Variants in MLLT3 observed in about 807,000 individuals in gnomAD.
MLLT3 encodes protein AF-9.
In MLLT3, 4 loss-of-function variants were observed where a neutral mutation model predicts 53.2. The ratio of observed to expected loss-of-function variants is 0.08; its 90% CI spans 0.04 to 0.17. MLLT3 has a LOEUF of 0.17. MLLT3 is among the 10% of genes least tolerant of loss of function. The pLI, the probability that MLLT3 is intolerant of heterozygous loss-of-function variation, is 1.00. For missense variants in MLLT3, 569 were observed against 684.0 expected (o/e 0.83, Z 1.87); for synonymous variants, 283 against 230.6 (o/e 1.23, Z -2.06).
intron 2 of MLLT3, among the ~76,000 whole-genome samples, chr9:20,600,872 A>G (rs1820403658): frequency 6.6e-6 from 1 of 152,208 alleles, no homozygotes; most frequent in Non-Finnish European, 1.5e-5. Flanking sequence ...ATCAGAATCC[A>G]ATGGGAAAAA....
At chr9:20,375,503 C>T (rs59264833) in intron 5 of MLLT3, among the ~76,000 whole-genome samples, 1 of 151,782 alleles carries the variant, frequency 6.6e-6, no homozygotes, top group Non-Finnish European at 1.5e-5. Context: ...TTCATCCCAG[C>T]GGAGTTAATG....
At chr9:20,484,503 G>A (rs1175969504) in intron 2 of MLLT3, among the ~76,000 whole-genome samples, 1 of 152,010 alleles carries the variant, frequency 6.6e-6, no homozygotes, top group Admixed American at 6.6e-5. Context: ...ATATACTTTT[G>A]GCTTTTACTC....
chr9:20,574,669 G>A (rs573884920), intron 2 of MLLT3, among the ~76,000 whole-genome samples: 5 of 152,274 alleles, frequency 3.3e-5, no homozygotes, highest in Admixed American at 3.3e-4. Flanking sequence ...TGCTAGTGGA[G>A]GGTCCTGCCT....
intron 2 of MLLT3, among the ~76,000 whole-genome samples, chr9:20,458,650 G>A (rs1396036884): frequency 6.6e-6 from 1 of 152,158 alleles, no homozygotes; most frequent in African/African-American, 2.4e-5. Context: ...GAAGATAGCA[G>A]TCTGCAACTC....
chr9:20,607,837 T>C (rs1181622277), intron 2 of MLLT3, among the ~76,000 whole-genome samples: 4 of 152,020 alleles, frequency 2.6e-5, no homozygotes, highest in African/African-American at 7.2e-5. Flanking sequence ...ACAACTAAAA[T>C]TAACCTCCTC....
intron 5 of MLLT3, among the ~76,000 whole-genome samples, chr9:20,406,556 T>C (rs1822581866): frequency 6.6e-6 from 1 of 152,170 alleles, no homozygotes; most frequent in South Asian, 2.1e-4. Context: ...GGTCAGCAAT[T>C]TATTGTTTAA....
intron 2 of MLLT3, among the ~76,000 whole-genome samples, chr9:20,509,022 G>A (rs914397455): frequency 6.6e-6 from 1 of 152,224 alleles, no homozygotes; most frequent in East Asian, 1.9e-4. Context: ...ACATCAGTGG[G>A]AATCAGAAGC....
intron 2 of MLLT3, among the ~76,000 whole-genome samples, chr9:20,586,061 T>C (rs1011341508): frequency 1.3e-5 from 2 of 152,144 alleles, no homozygotes; most frequent in Non-Finnish European, 2.9e-5. Flanking sequence ...CTCACATCTG[T>C]AATCCTAGCA....
chr9:20,600,434 C>T (rs1820393341), intron 2 of MLLT3, among the ~76,000 whole-genome samples: 1 of 152,200 alleles, frequency 6.6e-6, no homozygotes, highest in Non-Finnish European at 1.5e-5. Context: ...ACAACCCCTT[C>T]CTTAACCAAC....
At chr9:20,437,166 T>C (rs534852317) in intron 4 of MLLT3, among the ~76,000 whole-genome samples, 9 of 152,222 alleles carry the variant, frequency 5.9e-5, no homozygotes, top group African/African-American at 2.2e-4. Context: ...AGTGAGAAAG[T>C]TACTACACAT....
intron 8 of MLLT3, among the ~76,000 whole-genome samples, chr9:20,358,978 C>G (rs1821246261): frequency 6.6e-6 from 1 of 151,764 alleles, no homozygotes; most frequent in South Asian, 2.1e-4. Flanking sequence ...AACCCCGTCT[C>G]TACTAAAAAT....
intron 2 of MLLT3, among the ~76,000 whole-genome samples, chr9:20,531,315 T>C (rs768185919): frequency 1.3e-5 from 2 of 152,076 alleles, no homozygotes; most frequent in African/African-American, 2.4e-5. Context: ...TTTGTGTTTT[T>C]AGTAGAGACA....
At chr9:20,499,583 G>C (rs1825166166) in intron 2 of MLLT3, among the ~76,000 whole-genome samples, 1 of 152,168 alleles carries the variant, frequency 6.6e-6, no homozygotes, top group Non-Finnish European at 1.5e-5. Flanking sequence ...TTCTCATAGA[G>C]ATACCTTCGA....
intron 2 of MLLT3, among the ~76,000 whole-genome samples, chr9:20,543,133 A>G (rs1587049830): frequency 6.6e-6 from 1 of 152,198 alleles, no homozygotes; most frequent in Non-Finnish European, 1.5e-5. Flanking sequence ...CCAGACCACT[A>G]AACTTTCTCC....
At chr9:20,429,303 G>A (rs889207662) in intron 4 of MLLT3, among the ~76,000 whole-genome samples, 3 of 152,144 alleles carry the variant, frequency 2.0e-5, no homozygotes, top group Non-Finnish European at 2.9e-5. Context: ...AGGAGTTGGA[G>A]GCTGAAGTGA....
chr9:20,486,199 A>C (rs1824807920), intron 2 of MLLT3, among the ~76,000 whole-genome samples: 1 of 152,108 alleles, frequency 6.6e-6, no homozygotes, highest in South Asian at 2.1e-4. Flanking sequence ...AAAACATATA[A>C]CCAGAAATAA....
chr9:20,547,527 C>G (rs1366380023), intron 2 of MLLT3, among the ~76,000 whole-genome samples: 2 of 151,628 alleles, frequency 1.3e-5, no homozygotes, highest in Non-Finnish European at 1.5e-5. Flanking sequence ...CACTGTAATC[C>G]CAGCTACTCG....
chr9:20,573,297 G>A (rs1439631150), intron 2 of MLLT3, among the ~76,000 whole-genome samples: 4 of 151,196 alleles, frequency 2.6e-5, no homozygotes, highest in Non-Finnish European at 4.4e-5. Context: ...CTCCTGCCTC[G>A]GCCCCACAAA....
intron 4 of MLLT3, among the ~76,000 whole-genome samples, chr9:20,440,293 G>A (rs1424781519): frequency 6.6e-6 from 1 of 152,118 alleles, no homozygotes; most frequent in Admixed American, 6.6e-5. Context: ...CTGTGGTAAT[G>A]AAGGTTTTTA....
Sources: allele counts gnomAD v4.1 joint callset (sites outside exome capture counted in the v4.1 genomes callset), GRCh38; gene constraint gnomAD v4.1.1; transcripts MANE v1.5; gene names NCBI Gene and HGNC (gene_info 2026-07-23, HGNC 2026-07-21).